NCAPD2: variants seen among roughly 807,000 people sequenced by gnomAD.
The protein encoded by NCAPD2 is condensin complex subunit 1.
Under a neutral mutation model 164.5 loss-of-function variants are expected in NCAPD2, and 100 were observed. The ratio of observed to expected loss-of-function variants is 0.61; its 90% CI spans 0.52 to 0.72. The LOEUF (loss-of-function observed/expected upper bound fraction) is 0.72. Among genes scored for constraint, NCAPD2 ranks in the 30% least tolerant of loss-of-function variants. The pLI, the probability that NCAPD2 is intolerant of heterozygous loss-of-function variation, is 0.00. For synonymous variants in NCAPD2, 585 were observed against 642.6 expected, an observed-to-expected ratio of 0.91 and a Z score of 1.36; for missense variants, 1,560 against 1,749.2, an observed-to-expected ratio of 0.89 and a Z score of 1.93.
rs1946277074 is a variant in NCAPD2, at chr12:6,522,823, C to G, written c.1955-5C>G. On this transcript the variant is annotated splice_polypyrimidine_tract_variant and splice_region_variant and intron_variant, in intron 15 of 31. Coordinates refer to ENST00000315579, the MANE Select transcript of NCAPD2 (RefSeq NM_014865.4). ...GATAGGTGACATTTGTACATGTTCTCTCAGTGGTGCAGGAGGTGATTGAAT... is the reference window on the plus strand; with the variant it reads ...GATAGGTGACATTTGTACATGTTCTGTCAGTGGTGCAGGAGGTGATTGAAT... 1 of 1,613,412 alleles carries G rather than the reference C, an allele frequency of 6.2e-7. No individual in the cohort carries two copies. The highest frequency in any genetic ancestry group is 8.5e-7 in the Non-Finnish European group (1 of 1,179,724).
chr12:6,523,194 C>G, intron 16 of NCAPD2, 68 bp from the exon 17 acceptor site: 1 of 1,534,800 alleles, frequency 6.5e-7, no homozygotes, highest in Non-Finnish European at 9.0e-7. Context: ...TGGGATAGCC[C>G]TAATCACTGT....
chr12:6,509,555 C>G (rs1245420998), intron 2 of NCAPD2, among the ~76,000 whole-genome samples, 162 bp from the exon 3 acceptor site: 1 of 152,194 alleles, frequency 6.6e-6, no homozygotes, highest in East Asian at 1.9e-4. Flanking sequence ...AGCCACCATG[C>G]CCGGCTCTCA....
chr12:6,499,320 T>C (rs1320006102), intron 2 of NCAPD2, among the ~76,000 whole-genome samples: 1 of 152,054 alleles, frequency 6.6e-6, no homozygotes, highest in Non-Finnish European at 1.5e-5. Flanking sequence ...CAAGCAATTC[T>C]CCTGCCTCAG....
chr12:6,525,358 G>A (rs1946306471), intron 17 of NCAPD2, among the ~76,000 whole-genome samples: 2 of 152,110 alleles, frequency 1.3e-5, no homozygotes, highest in Non-Finnish European at 2.9e-5. Flanking sequence ...GGTCAGTTTC[G>A]ATATGTCACT....
chr12:6,531,384 G>C lies in NCAPD2; in HGVS notation c.4178G>C (p.Arg1393Thr). 6.2e-7 allele frequency: 1 copy of C among 1,613,932 alleles called. No individual in the cohort carries two copies. The highest frequency in any genetic ancestry group is 1.3e-5 in the African/African-American group (1 of 75,002). Reference protein sequence around the residue: ...ETPKKTTPILRASARRHRS With the variant: ...ETPKKTTPILTASARRHRS ...CCCAAGAAAACAACTCCCATTCTCA[G>C]AGCATCGGCTCGCAGGCACAGATCC... The change falls in exon 32 of 32, where the codon AGA (arginine) becomes ACA (threonine). Residue 1393 changes from arginine to threonine, a missense_variant. Physicochemically the swap from Arg to Thr is moderately conservative, Grantham distance 71. Transcript: ENST00000315579. This position sits in a 1 kb window ranked among gnomAD's most constrained non-coding sequence, Gnocchi z 4.1.
chr12:6,518,723 A>G (rs7975184), intron 13 of NCAPD2, among the ~76,000 whole-genome samples: 116,825 of 150,836 alleles, frequency 0.77, 45,785 homozygotes, highest in African/African-American at 0.91. Context: ...GTTTCACCAT[A>G]TTGGCCAGGC....
chr12:6,523,146 G>A, intron 16 of NCAPD2, 116 bp from the exon 17 acceptor site: 1 of 1,439,748 alleles, frequency 6.9e-7, no homozygotes, highest in Non-Finnish European at 9.6e-7. Context: ...TTAGGGTGGG[G>A]CTCGGTTTCC....
chr12:6,510,727 T>G lies in NCAPD2; in HGVS notation c.361T>G (p.Cys121Gly). ...NAHLNALKMN[C>G]YALIRLLESF... is the part of the protein sequence containing the mutation. ...CCATCTAAATGCCCTCAAAATGAAC[T>G]GTTATGCTCTGATACGTCTCCTGGA... The change falls in exon 5 of 32, where the codon TGT becomes GGT. Residue 121 changes from cysteine (C) to glycine (G), a missense_variant. Cys to Gly is a radical substitution (Grantham distance 159). Transcript: ENST00000315579. 1 of 1,614,134 alleles carries G rather than the reference T, an allele frequency of 6.2e-7. No homozygotes were observed. The highest frequency in any genetic ancestry group is 8.5e-7 in the Non-Finnish European group (1 of 1,180,030).
intron 2 of NCAPD2, among the ~76,000 whole-genome samples, chr12:6,504,650 C>T (rs951598441): frequency 1.6e-4 from 24 of 152,056 alleles, no homozygotes; most frequent in Admixed American, 9.2e-4. Flanking sequence ...CCTCGGCCTC[C>T]CAAAGTGCTG....
Position 6,510,134 on chromosome 12 carries a change from G to T in NCAPD2, c.262+1G>T. 6.2e-7 allele frequency: 1 copy of T among 1,606,368 alleles called. No homozygotes were observed. The highest frequency in any genetic ancestry group is 8.5e-7 in the Non-Finnish European group (1 of 1,172,988). Reference sequence around the variant, plus strand: ...GATACTCTGCAATTCCTGATAAAAGGTGTTTATGGGTCAGGGGGTAGGGGA... The same window carrying T: ...GATACTCTGCAATTCCTGATAAAAGTTGTTTATGGGTCAGGGGGTAGGGGA... On this transcript the variant is annotated splice_donor_variant, in intron 4 of 31. Transcript: ENST00000315579. LOFTEE classifies it high-confidence loss of function.
chr12:6,501,560 G>A (rs10849474), intron 2 of NCAPD2, among the ~76,000 whole-genome samples: 23,860 of 152,170 alleles, frequency 0.16, 2,151 homozygotes, highest in East Asian at 0.31. Flanking sequence ...GCATATGGGA[G>A]GGAGAGGTTT....
chr12:6,505,087 CAG>C (rs1403982968), intron 2 of NCAPD2, among the ~76,000 whole-genome samples: 13 of 152,238 alleles, frequency 8.5e-5, no homozygotes, highest in African/African-American at 3.1e-4. Context: ...TGTTTTGAGA[CAG>C]AGTTTCACTC....
rs562224556 is a variant in NCAPD2 at position 6,511,402 on chromosome 12, G to A, written c.587+150G>A. ...GGCTGGAGCGCAGTGGTTCAATCTC[G>A]GCTCACTGCAGCCTCTACCTCCTGG... On this transcript the variant is annotated intron_variant, in intron 6 of 31. Transcript: ENST00000315579. 1.5e-4 allele frequency: 136 copies of A among 926,332 alleles called. No individual in the cohort carries two copies. In the African/African-American group the frequency reaches 1.9e-3, roughly 13 times the overall value. The allele number at this position is 926,332 out of a possible 1,614,324, so 57.4% of individuals were successfully genotyped here. A position where few individuals can be genotyped will look rare whatever the true frequency, so the allele number is the denominator to read the frequency against.
chr12:6,519,066 A>G (rs1196551100), intron 13 of NCAPD2, among the ~76,000 whole-genome samples: 2 of 150,294 alleles, frequency 1.3e-5, no homozygotes, highest in East Asian at 2.0e-4. Context: ...TTTTTTTTAT[A>G]TTTTTAGTAG....
At chr12:6,506,289 A>G (rs1425476342) in intron 2 of NCAPD2, among the ~76,000 whole-genome samples, 4 of 152,176 alleles carry the variant, frequency 2.6e-5, no homozygotes, top group African/African-American at 4.8e-5. Context: ...TTAACTTTAT[A>G]ATAGACATAT....
intron 15 of NCAPD2, among the ~76,000 whole-genome samples, chr12:6,522,512 G>A (rs983558204): frequency 2.0e-5 from 3 of 151,552 alleles, no homozygotes; most frequent in Admixed American, 2.0e-4. Flanking sequence ...TTGAGCCCGG[G>A]AGTTTGAGGC....
intron 6 of NCAPD2, 120 bp downstream of exon 6, chr12:6,511,372 G>A (rs1050181403): frequency 2.5e-5 from 31 of 1,227,130 alleles, no homozygotes; most frequent in East Asian, 1.2e-4. Context: ...CACTCTTGTC[G>A]CCCAGGCTGG....
chr12:6,518,790 T>C (rs968466748), intron 13 of NCAPD2, among the ~76,000 whole-genome samples: 17 of 151,902 alleles, frequency 1.1e-4, no homozygotes, highest in African/African-American at 3.6e-4. Context: ...CAAAGTGCCA[T>C]GATTACAGGC....
chr12:6,495,761 C>T (rs1010576859), intron 2 of NCAPD2, among the ~76,000 whole-genome samples: 1 of 152,164 alleles, frequency 6.6e-6, no homozygotes, highest in African/African-American at 2.4e-5. Flanking sequence ...TGTCCTTGTA[C>T]TTGTTGGGAG....
Sources: gnomAD v4.1 joint callset for allele counts (sites outside exome capture counted in the v4.1 genomes callset) on GRCh38, gnomAD v4.1.1 for gene constraint, Gnocchi (gnomAD v3.1) non-coding constraint, MANE v1.5 for transcripts, NCBI Gene and HGNC (gene_info 2026-07-23, HGNC 2026-07-21) for gene names.